The following ABCA10 variants were observed in gnomAD, a reference collection of about 807,000 sequenced individuals.
ABCA10 encodes the protein ATP-binding cassette sub-family A member 10.
A neutral mutation model predicts 187.5 loss-of-function variants in ABCA10; 169 were observed. The ratio of observed to expected loss-of-function variants is 0.90; its 90% CI spans 0.80 to 1.02. The LOEUF is 1.02. ABCA10 is among the 50% of genes least tolerant of loss of function. The pLI is 0.00. For missense variants in ABCA10, 1,727 were observed against 1,812.4 expected, an observed-to-expected ratio of 0.95 and a Z score of 0.86; for synonymous variants, 574 against 601.8, an observed-to-expected ratio of 0.95 and a Z score of 0.68.
In ABCA10 at chr17:69,190,473, A is replaced by G. The variant is rs1369516919; in HGVS notation, c.2016T>C (p.Leu672=). 2 of 1,566,138 alleles carry G rather than the reference A, an allele frequency of 1.3e-6. No individual in the cohort carries two copies. The highest frequency in any genetic ancestry group is 2.8e-5 in the African/African-American group (2 of 71,648). Residue 672 remains leucine, a synonymous_variant, in exon 18 of 39, where the codon CTT becomes CTC. Transcript: ENST00000690296. The part of the protein sequence containing the change: ...PLEKTNKFPD[L]YSDLDKCSDQ... ...CAGAACACTTATCAAGGTCACTGTA[A>G]AGATCTAAAAAGCCAATAGTAATAA... is the stretch of plus-strand genomic sequence containing the variant.
intron 25 of ABCA10, among the ~76,000 whole-genome samples, chr17:69,168,221 G>A (rs1269142256): frequency 6.6e-6 from 1 of 152,030 alleles, no homozygotes; most frequent in Non-Finnish European, 1.5e-5. Flanking sequence ...TCAACAATAG[G>A]CTATGAGTAG....
In ABCA10 at chr17:69,151,039, T is replaced by TA. The variant is rs936436285; in HGVS notation, c.4398-977dup. 1.6e-4 allele frequency among the ~76,000 whole-genome samples: 25 copies of TA among 152,162 alleles called. No individual in the cohort carries two copies. In the South Asian group the frequency reaches 2.3e-3, roughly 14 times the overall value. On this transcript the variant is annotated intron_variant, in intron 36 of 38. Coordinates refer to ENST00000690296, the MANE Select transcript of ABCA10 (RefSeq NM_001377321.1). ...CCTAGTTTAATGGTCTTCTATATGGTAAAAAAAATCCCCCACTTTGTTTGT... is the reference window on the plus strand; with the variant it reads ...CCTAGTTTAATGGTCTTCTATATGGTAAAAAAAAATCCCCCACTTTGTTTGT...
chr17:69,186,537 C>A (rs2074422799), intron 19 of ABCA10, among the ~76,000 whole-genome samples: 1 of 152,328 alleles, frequency 6.6e-6, no homozygotes, highest in East Asian at 1.9e-4. Context: ...AGCTTCTGCT[C>A]TTTCTACTCC....
At chr17:69,152,615 A>T in intron 34 of ABCA10, 134 bp from the exon 35 acceptor site, 1 of 1,279,330 alleles carries the variant, frequency 7.8e-7, no homozygotes, top group Non-Finnish European at 1.0e-6. Context: ...GTGAAACCCC[A>T]TCTCCACAAA....
chr17:69,188,017 G>T (rs753263142), intron 18 of ABCA10, 138 bp from the exon 19 acceptor site: 1 of 747,780 alleles, frequency 1.3e-6, no homozygotes, highest in African/African-American at 1.8e-5. Flanking sequence ...CAAAATTTAC[G>T]TTAAAAATCT....
At position 69,164,959 on chromosome 17, in the gene ABCA10, C is replaced by T; in HGVS notation, c.3282+5G>A. ...ACTGGAGACACAGTAGGTAACACTG[C>T]TTACCTGGATCAATAACATGACATA... On this transcript the variant is annotated splice_donor_5th_base_variant and intron_variant, in intron 26 of 38. Coordinates refer to ENST00000690296, the MANE Select transcript of ABCA10 (RefSeq NM_001377321.1). 6.2e-7 allele frequency: 1 copy of T among 1,612,672 alleles called. No individual in the cohort carries two copies. Among genetic ancestry groups the T allele is most frequent in the Non-Finnish European group, 8.5e-7 (1 of 1,179,116 alleles).
intron 25 of ABCA10, among the ~76,000 whole-genome samples, chr17:69,169,388 A>C (rs1225516001): frequency 6.6e-6 from 1 of 152,232 alleles, no homozygotes; most frequent in Non-Finnish European, 1.5e-5. Context: ...AAAGCCTAAA[A>C]CAGAGAAGCA....
At chr17:69,214,661 C>T (rs762983453) in intron 9 of ABCA10, 43 bp downstream of exon 9, 9 of 1,384,148 alleles carry the variant, frequency 6.5e-6, no homozygotes, top group Non-Finnish European at 7.6e-6. Flanking sequence ...TTTTAAGAAA[C>T]AGAATTGCTT....
intron 20 of ABCA10, 49 bp downstream of exon 20, chr17:69,185,428 A>G (rs758357687): frequency 6.5e-7 from 1 of 1,548,190 alleles, no homozygotes; most frequent in South Asian, 1.2e-5. Context: ...TGCTTTCTAA[A>G]GATCTTTGAT....
chr17:69,191,059 T>A, intron 17 of ABCA10, 117 bp downstream of exon 17: 2 of 1,027,150 alleles, frequency 1.9e-6, no homozygotes, highest in Non-Finnish European at 1.3e-6. Flanking sequence ...AGATTACTTA[T>A]GAATAAATAT....
chr17:69,154,892 T>G, intron 30 of ABCA10, 127 bp downstream of exon 30: 2 of 608,160 alleles, frequency 3.3e-6, no homozygotes, highest in Non-Finnish European at 2.7e-6. Flanking sequence ...TGTGAAGAAG[T>G]TTTATAATTA....
rs1189322907 is a variant in ABCA10 at position 69,162,808 on chromosome 17, T to TATATACATATAC, written c.3363+1254_3363+1265dup. 8.9e-4 allele frequency among the ~76,000 whole-genome samples: 112 copies of TATATACATATAC among 126,278 alleles called. 1 individual carries two copies. Among genetic ancestry groups the TATATACATATAC allele is most frequent in the East Asian group, 5.1e-3 (24 of 4,750 alleles). The allele number at this position is 126,278 out of a possible 152,430, so 82.8% of individuals were successfully genotyped here. ...TGGGGTTTATGTTGAAAAAATTACA[T>TATATACATATAC]ATATACATATACATATACATATACA... On this transcript the variant is annotated intron_variant, in intron 27 of 38. Coordinates refer to ENST00000690296, the MANE Select transcript of ABCA10 (RefSeq NM_001377321.1).
chr17:69,214,127 A>C (rs947860548), intron 9 of ABCA10, among the ~76,000 whole-genome samples: 23 of 152,218 alleles, frequency 1.5e-4, no homozygotes, highest in Non-Finnish European at 1.5e-4. Flanking sequence ...CCCTCTCTCA[A>C]ACTAAAACAC....
rs777416778 is a variant in ABCA10, at chr17:69,193,225, A to C, written c.1665T>G (p.Thr555=). The C allele has an allele frequency of 6.2e-7, 1 of 1,613,836 alleles. No homozygotes were observed. Residue 555 remains threonine (T), a synonymous_variant, in exon 15 of 39, where the codon ACT becomes ACG. Transcript: ENST00000690296. ...DPQVLLLDEP[T]AGLDPFSRHR... ...GTCTTGAAAAGGGATCCAATCCAGC[A>C]GTTGGTTCATCTAGCAGCAAAACCT...
At chr17:69,239,968 C>T (rs1281242046) in intron 1 of ABCA10, among the ~76,000 whole-genome samples, 1 of 152,164 alleles carries the variant, frequency 6.6e-6, no homozygotes, top group Non-Finnish European at 1.5e-5. Context: ...AATATTTATA[C>T]ATGACATTGG....
chr17:69,170,437 CAAAAAAAA>C (rs71144658), intron 25 of ABCA10, among the ~76,000 whole-genome samples: 4 of 109,688 alleles, frequency 3.6e-5, no homozygotes, highest in Non-Finnish European at 7.7e-5. Flanking sequence ...TTTTACTCAT[CAAAAAAAA>C]AAAAAAAAAA....
At chr17:69,219,054 A>C (rs990426771) in intron 6 of ABCA10, among the ~76,000 whole-genome samples, 6 of 152,130 alleles carry the variant, frequency 3.9e-5, no homozygotes, top group African/African-American at 1.4e-4. Flanking sequence ...ATATGATGTG[A>C]GCAGGAGCTT....
chr17:69,149,946 C>A, intron 37 of ABCA10, 38 bp downstream of exon 37: 2 of 1,423,432 alleles, frequency 1.4e-6, no homozygotes, highest in Middle Eastern at 1.8e-4. Context: ...AATATGCAAC[C>A]AATACATAAA....
At chr17:69,230,430 G>A (rs1314881178), upstream of ABCA10, among the ~76,000 whole-genome samples, 1 of 151,994 alleles carries the variant, frequency 6.6e-6, no homozygotes, top group Non-Finnish European at 1.5e-5. Flanking sequence ...CCTTGGAGAG[G>A]TCATATAAAA....
Sources: gnomAD v4.1 joint callset for allele counts (sites outside exome capture counted in the v4.1 genomes callset) on GRCh38, gnomAD v4.1.1 for gene constraint, MANE v1.5 for transcripts, NCBI Gene and HGNC (gene_info 2026-07-23, HGNC 2026-07-21) for gene names.